The following RNF44 variants were observed in gnomAD, a reference collection of about 807,000 sequenced individuals.
RNF44 encodes ring finger protein 44.
RNF44 carries 25 observed loss-of-function variants against 53.6 expected under a neutral mutation model. That is an observed-to-expected ratio of 0.47 (90% CI 0.34 to 0.65). The LOEUF is 0.65. RNF44 is among the 30% of genes least tolerant of loss of function. The pLI is 0.01. For missense variants in RNF44, 581 were observed against 595.5 expected, an observed-to-expected ratio of 0.98 and a Z score of 0.25; for synonymous variants, 282 against 252.2, an observed-to-expected ratio of 1.12 and a Z score of -1.12.
chr5:176,542,211 A>G (rs1026779275), upstream of RNF44, among the ~76,000 whole-genome samples: 4 of 152,210 alleles, frequency 2.6e-5, no homozygotes, highest in African/African-American at 9.6e-5. Flanking sequence ...CACTGGGGCG[A>G]AAGGACTACA....
chr5:176,532,747 C>CAAAAAAAAAAAAAA (rs3051911), intron 1 of RNF44, among the ~76,000 whole-genome samples: 13 of 72,576 alleles, frequency 1.8e-4, no homozygotes, highest in East Asian at 4.7e-4. Flanking sequence ...ACTCCCGTCT[C>CAAAAAAAAAAAAAA]AAAAAAAAAA....
upstream of RNF44, among the ~76,000 whole-genome samples, chr5:176,541,022 G>T (rs1236103971): frequency 6.6e-6 from 1 of 152,186 alleles, no homozygotes; most frequent in South Asian, 2.1e-4. Context: ...TGCGAGCCTT[G>T]TTCTCCCCGT....
intron 1 of RNF44, among the ~76,000 whole-genome samples, chr5:176,533,918 A>G (rs1358891269): frequency 6.6e-6 from 1 of 152,190 alleles, no homozygotes; most frequent in Non-Finnish European, 1.5e-5. Flanking sequence ...CCCATCTAAC[A>G]AAACTCCTAT....
chr5:176,533,045 G>T (rs1231777408), intron 1 of RNF44, among the ~76,000 whole-genome samples: 1 of 152,214 alleles, frequency 6.6e-6, no homozygotes, highest in Non-Finnish European at 1.5e-5. Flanking sequence ...GTAGGCTCCT[G>T]CTGGGCGGGG....
At chr5:176,538,072 T>G (rs569976921), upstream of RNF44, 1 of 151,834 alleles carries the variant, frequency 6.6e-6, no homozygotes, top group South Asian at 2.1e-4. Flanking sequence ...CACAGAGACA[T>G]TTAACCGCCA....
At chr5:176,532,710 T>G (rs548841994) in intron 1 of RNF44, among the ~76,000 whole-genome samples, 194 bp from the exon 2 acceptor site, 2 of 128,904 alleles carry the variant, frequency 1.6e-5, no homozygotes, top group East Asian at 4.5e-4. Flanking sequence ...ATCGCACCAC[T>G]GCACTCTAGT....
At chr5:176,530,540 C>T in intron 6 of RNF44, 42 bp downstream of exon 6, 1 of 1,389,216 alleles carries the variant, frequency 7.2e-7, no homozygotes, top group Non-Finnish European at 9.3e-7. Context: ...GTCTGCCTCC[C>T]AGCTGCCCTG....
chr5:176,535,265 G>T (rs761991130), intron 1 of RNF44, among the ~76,000 whole-genome samples: 2 of 152,210 alleles, frequency 1.3e-5, no homozygotes, highest in Non-Finnish European at 2.9e-5. Flanking sequence ...CTGCTCCAAG[G>T]CAACAGCAGA....
chr5:176,538,051 C>T (rs1757340312), upstream of RNF44: 1 of 152,198 alleles, frequency 6.6e-6, no homozygotes, highest in African/African-American at 2.4e-5. Flanking sequence ...TGGCCCTGCT[C>T]GCGCTGACGT....
Position 176,529,535 on chromosome 5 carries a change from G to C in RNF44, c.1124C>G (p.Ser375Trp). 1 of 1,614,008 alleles carries C rather than the reference G, an allele frequency of 6.2e-7. No individual in the cohort carries two copies. The highest frequency in any genetic ancestry group is 8.5e-7 in the Non-Finnish European group (1 of 1,180,028). Residue 375 changes from serine (S) to tryptophan (W), a missense_variant, in exon 9 of 11, where the codon TCG becomes TGG. Ser to Trp is a radical substitution (Grantham distance 177). Coordinates refer to ENST00000274811, the MANE Select transcript of RNF44 (RefSeq NM_014901.5). The part of the protein sequence containing the change: ...SYRFNPDSHQ[S>W]EQTLCVVCFS... The stretch of plus-strand genomic sequence containing the variant: ...GCAGGGTACTCACAGCGTCTGCTCC[G>C]ACTGATGGCTGTCCGGGTTAAAGCG...
Position 176,529,549 on chromosome 5 carries a change from C to G in RNF44, c.1110G>C (p.Pro370=), listed in dbSNP as rs529618071. 6.2e-7 allele frequency: 1 copy of G among 1,614,016 alleles called. No individual in the cohort carries two copies. The highest frequency in any genetic ancestry group is 8.5e-7 in the Non-Finnish European group (1 of 1,180,028). ...GCGTCTGCTCCGACTGATGGCTGTC[C>G]GGGTTAAAGCGGTACGACGGGAGCT... ...IEQLPSYRFN[P]DSHQSEQTLC... Residue 370 remains proline (P), a synonymous_variant, in exon 9 of 11, where the codon CCG becomes CCC. Transcript: ENST00000274811.
chr5:176,537,786 T>G (rs1406820820), upstream of RNF44: 1 of 152,174 alleles, frequency 6.6e-6, no homozygotes, highest in African/African-American at 2.4e-5. Flanking sequence ...TGAAGTGCAA[T>G]GGGTCTGACC....
chr5:176,539,013 CTA>C (rs1757381984), upstream of RNF44, among the ~76,000 whole-genome samples: 1 of 152,170 alleles, frequency 6.6e-6, no homozygotes. Context: ...ATTATAAAGA[CTA>C]TGTCTTAAGT....
chr5:176,529,823 A>G lies in RNF44; in HGVS notation c.927-5T>C, dbSNP rs1326306367. On this transcript the variant is annotated splice_polypyrimidine_tract_variant and splice_region_variant and intron_variant, in intron 7 of 10. Transcript: ENST00000274811. ...GGTGACATTGGCAGCATCGAGCTAG[A>G]GAGAGACAAGTGTGGGGGCCCAGGG... 3 of 1,592,454 alleles carry G rather than the reference A, an allele frequency of 1.9e-6. No individual in the cohort carries two copies. The highest frequency in any genetic ancestry group is 1.7e-5 in the Admixed American group (1 of 57,770).
rs1269333440 is a variant in RNF44 at position 176,532,733 on chromosome 5, C to G, written c.-44-217G>C. On this transcript the variant is annotated intron_variant, in intron 1 of 10. Transcript: ENST00000274811. ...ACTGCACTCTAGTCTGGTGACAGAG[C>G]GAGACTCCCGTCTCAAAAAAAAAAA... 3.0e-5 allele frequency among the ~76,000 whole-genome samples: 4 copies of G among 132,742 alleles called. No individual in the cohort carries two copies. The East Asian group carries it at 6.5e-4, about 21-fold the overall frequency. The allele number at this position is 132,742 out of a possible 152,430, so 87.1% of individuals were successfully genotyped here. A position where few individuals can be genotyped will look rare whatever the true frequency, so the allele number is the denominator to read the frequency against.
chr5:176,531,214 C>T lies in RNF44; in HGVS notation c.466-193G>A, dbSNP rs1756625643. Among the ~76,000 whole-genome samples, 1 of 152,256 alleles carries T rather than the reference C, an allele frequency of 6.6e-6. No homozygotes were observed. The highest frequency in any genetic ancestry group is 1.5e-5 in the Non-Finnish European group (1 of 68,040). ...GACACTCCACTGTTAAGGCCCACAGCCTCAACTCCTGGGCCTCTGCCAAGC... is the reference window on the plus strand; with the variant it reads ...GACACTCCACTGTTAAGGCCCACAGTCTCAACTCCTGGGCCTCTGCCAAGC... On this transcript the variant is annotated intron_variant, in intron 4 of 10. Coordinates refer to ENST00000274811, the MANE Select transcript of RNF44 (RefSeq NM_014901.5). This position sits in a 1 kb window ranked among gnomAD's most constrained non-coding sequence, Gnocchi z 4.2.
At chr5:176,529,865 G>A in intron 7 of RNF44, 47 bp from the exon 8 acceptor site, 2 of 1,512,828 alleles carry the variant, frequency 1.3e-6, no homozygotes, top group Non-Finnish European at 1.8e-6. Flanking sequence ...TCAGGAGTGG[G>A]GCACACAGAG....
upstream of RNF44, among the ~76,000 whole-genome samples, chr5:176,538,227 G>A (rs1757352539): frequency 6.6e-6 from 1 of 152,220 alleles, no homozygotes; most frequent in African/African-American, 2.4e-5. Context: ...GGGAAACTGG[G>A]AACTAAGCCC....
In RNF44 at chr5:176,531,747, G is replaced by A; in HGVS notation, c.298-117C>T. The A allele has an allele frequency of 8.8e-7, 1 of 1,139,120 alleles. No individual in the cohort carries two copies. Among genetic ancestry groups the A allele is most frequent in the Non-Finnish European group, 1.2e-6 (1 of 814,348 alleles). The allele number at this position is 1,139,120 out of a possible 1,614,324, so 70.6% of individuals were successfully genotyped here. A position where few individuals can be genotyped will look rare whatever the true frequency, so the allele number is the denominator to read the frequency against. On this transcript the variant is annotated intron_variant, in intron 3 of 10. Transcript: ENST00000274811. The surrounding 1 kb of genome is among the most constrained non-coding windows in gnomAD (Gnocchi z 4.2). ...CGGCTCCCTTCCCTTCTCCACGGCG[G>A]CCTACCTCAGTGCAGACCAGACTGT...
Sources: allele counts gnomAD v4.1 joint callset (sites outside exome capture counted in the v4.1 genomes callset), GRCh38; gene constraint gnomAD v4.1.1; non-coding constraint Gnocchi (gnomAD v3.1); transcripts MANE v1.5; gene names NCBI Gene and HGNC (gene_info 2026-07-23, HGNC 2026-07-21).